The following GSE1 variants were observed in gnomAD, a reference collection of about 807,000 sequenced individuals.
GSE1 encodes the protein Gse1 coiled-coil protein.
Under a neutral mutation model 112.6 loss-of-function variants are expected in GSE1, and 32 were observed. The observed-to-expected ratio is 0.28, with a 90% CI of 0.21 to 0.38. The LOEUF is 0.38. Among genes scored for constraint, GSE1 ranks in the 10% least tolerant of loss-of-function variants. The probability of loss-of-function intolerance (pLI) is 1.00; values close to 1 mark genes in which losing one functional copy is unlikely to be tolerated. For synonymous variants in GSE1, 1,115 were observed against 735.6 expected (o/e 1.52, Z -8.35); for missense variants, 2,348 against 1,699.2 (o/e 1.38, Z -6.71).
chr16:85,658,771 A>G (rs1489355485), intron 8 of GSE1, among the ~76,000 whole-genome samples: 2 of 152,098 alleles, frequency 1.3e-5, no homozygotes, highest in Non-Finnish European at 2.9e-5. Flanking sequence ...GCATGGCCTG[A>G]TAACATCAGG....
chr16:85,324,735 T>TC lies in GSE1; in HGVS notation c.2284-32726dup, dbSNP rs1328747528. ...GTGGGTCTGCGCCATCCGTGACATG[T>TC]CCAATAGGCAAATCCACAGAGACAG... On this transcript the variant is annotated intron_variant, in intron 1 of 2. Coordinates refer to the GSE1 transcript ENST00000637419. Among the ~76,000 whole-genome samples the TC allele has an allele frequency of 2.6e-5, 4 of 151,876 alleles. No individual in the cohort carries two copies. The East Asian group carries it at 7.7e-4, about 29-fold the overall frequency.
rs951281087 is a variant in GSE1 at position 85,292,845 on chromosome 16, A to G, written c.2284-64618A>G. ...ACCCGTCACCTCTGTGTGGTCCCAG[A>G]ACATTCCATTGTCTGTGAAACAGGG... On this transcript the variant is annotated intron_variant, in intron 1 of 2. Transcript: ENST00000637419. 3.3e-4 allele frequency among the ~76,000 whole-genome samples: 51 copies of G among 152,358 alleles called. 2 individuals are homozygous for G. The highest frequency in any genetic ancestry group is 2.3e-3 in the East Asian group (12 of 5,188).
chr16:85,235,778 A>T (rs1240942908), intron 1 of GSE1, among the ~76,000 whole-genome samples: 1 of 151,806 alleles, frequency 6.6e-6, no homozygotes, highest in Admixed American at 6.5e-5. Flanking sequence ...GGCGGGTGCC[A>T]GGCGGGCGAG....
At chr16:85,198,691 A>T (rs2074973860) in intron 1 of GSE1, among the ~76,000 whole-genome samples, 1 of 151,970 alleles carries the variant, frequency 6.6e-6, no homozygotes, top group Admixed American at 6.5e-5. Flanking sequence ...TCCGCCCTAC[A>T]CTGCAGAGAC....
At chr16:85,589,214 C>T (rs1015535396) in intron 1 of GSE1, among the ~76,000 whole-genome samples, 2 of 152,208 alleles carry the variant, frequency 1.3e-5, no homozygotes, top group African/African-American at 2.4e-5. Flanking sequence ...CCCCAGACCT[C>T]CTGCCTGGGG....
chr16:85,247,128 T>C (rs1460664243), intron 1 of GSE1, among the ~76,000 whole-genome samples: 1 of 152,154 alleles, frequency 6.6e-6, no homozygotes, highest in Admixed American at 6.5e-5. Flanking sequence ...CCTCTCTCTT[T>C]CTTCTGTTTC....
intron 1 of GSE1, among the ~76,000 whole-genome samples, chr16:85,206,607 G>GC (rs2075120523): frequency 6.6e-6 from 1 of 152,170 alleles, no homozygotes; most frequent in Non-Finnish European, 1.5e-5. Flanking sequence ...CTGGGCCAAG[G>GC]CCGGGGGGCC....
intron 2 of GSE1, among the ~76,000 whole-genome samples, chr16:85,462,232 C>T (rs2049987908): frequency 6.6e-6 from 1 of 152,168 alleles, no homozygotes. Flanking sequence ...ATGGGCTCAG[C>T]TCCTTAAAGC....
At position 85,498,182 on chromosome 16, in the gene GSE1, C is replaced by T. The variant is rs117362443; in HGVS notation, c.2465-135732C>T. ...ACTCCCCCGTTTGTTCTGCAGGCTG[C>T]GATTCCTCTCCTGGGATCCTCCCAG... On this transcript the variant is annotated intron_variant, in intron 2 of 2. Coordinates refer to the GSE1 transcript ENST00000637419. 1.1e-3 allele frequency among the ~76,000 whole-genome samples: 171 copies of T among 152,244 alleles called. 3 individuals carry two copies. The East Asian group carries it at 0.03, about 27-fold the overall frequency.
At chr16:85,645,981 A>T (rs144733110) in intron 2 of GSE1, among the ~76,000 whole-genome samples, 1 of 147,114 alleles carries the variant, frequency 6.8e-6, no homozygotes, top group African/African-American at 2.6e-5. Context: ...ACCTGCTTCT[A>T]CCACGCTTCC....
At chr16:85,628,166 G>A (rs974025279) in intron 1 of GSE1, among the ~76,000 whole-genome samples, 24 of 152,326 alleles carry the variant, frequency 1.6e-4, no homozygotes, top group African/African-American at 5.3e-4. Context: ...CGGCTGCTGC[G>A]GCCCCCGCCC....
At position 85,640,338 on chromosome 16, in the gene GSE1, G is replaced by A. The variant is rs2050338646; in HGVS notation, c.226+6206G>A. ...GCAGGTGTTGGCCGCTGTGTTACCT[G>A]CGGCAGGGGTGGCCCAGCCACCCAT... On this transcript the variant is annotated intron_variant, in intron 2 of 15. Coordinates refer to ENST00000253458, the MANE Select transcript of GSE1 (RefSeq NM_014615.5). 2.0e-5 allele frequency among the ~76,000 whole-genome samples: 3 copies of A among 152,358 alleles called. No individual in the cohort carries two copies. The South Asian group carries it at 6.2e-4, about 32-fold the overall frequency.
intron 1 of GSE1, among the ~76,000 whole-genome samples, chr16:85,618,863 T>C (rs991832408): frequency 6.6e-5 from 10 of 152,244 alleles, no homozygotes; most frequent in African/African-American, 2.4e-4. Context: ...GGTCTCTCAC[T>C]GTGTTGCCCA....
At chr16:85,416,550 G>A (rs2048707530) in intron 2 of GSE1, among the ~76,000 whole-genome samples, 1 of 152,244 alleles carries the variant, frequency 6.6e-6, no homozygotes. Context: ...CCCTCTAGGG[G>A]GAGCCCGGGT....
At chr16:85,170,534 C>T (rs1274970993) in exon 1 of GSE1, 2 of 985,712 alleles carry the variant, frequency 2.0e-6, no homozygotes, top group East Asian at 2.3e-4. Flanking sequence ...AAGGAACAGC[C>T]TTTCCCAGGC....
chr16:85,650,974 C>T lies in GSE1; in HGVS notation c.426+2223C>T, dbSNP rs183831463. ...GTTTTAAAGCTAACAGGGCATGTCC[C>T]GCCTGTCTGACTATGGAACCCTTGC... is the stretch of plus-strand genomic sequence containing the variant. On this transcript the variant is annotated intron_variant, in intron 3 of 15. Transcript: ENST00000253458. Among the ~76,000 whole-genome samples the T allele has an allele frequency of 2.7e-3, 405 of 150,666 alleles. 2 individuals carry two copies. Among genetic ancestry groups the T allele is most frequent in the African/African-American group, 9.5e-3 (391 of 41,036 alleles).
intron 2 of GSE1, among the ~76,000 whole-genome samples, chr16:85,478,914 T>TCCTTCCTTCCTTCCTTCCTTC (rs1491583323): frequency 1.7e-4 from 10 of 57,792 alleles, no homozygotes; most frequent in African/African-American, 9.5e-4. Flanking sequence ...TTTCTTTCTT[T>TCCTTCCTTCCTTCCTTCCTTC]CTTTCTTTCT....
At chr16:85,397,196 C>G (rs1481247396) in intron 2 of GSE1, among the ~76,000 whole-genome samples, 2 of 152,220 alleles carry the variant, frequency 1.3e-5, no homozygotes, top group Admixed American at 1.3e-4. Context: ...GATGCCTCCT[C>G]TCAGCCCCCT....
chr16:85,490,952 A>G (rs961192659), intron 2 of GSE1: 4 of 152,176 alleles, frequency 2.6e-5, no homozygotes, highest in African/African-American at 9.7e-5. Context: ...GGATGGGGGC[A>G]TAGCCATTAG....
Sources: allele counts gnomAD v4.1 joint callset (sites outside exome capture counted in the v4.1 genomes callset), GRCh38; gene constraint gnomAD v4.1.1; transcripts MANE v1.5; gene names NCBI Gene and HGNC (gene_info 2026-07-23, HGNC 2026-07-21).